Variants in GNG12 observed in about 807,000 individuals in gnomAD.
GNG12 encodes G protein subunit gamma 12.
For synonymous variants in GNG12, 28 were observed against 29.7 expected (o/e 0.94, Z 0.19); for missense variants, 69 against 83.8 (o/e 0.82, Z 0.69).
At chr1:67,801,842 G>A (rs1341803915) in intron 1 of GNG12, among the ~76,000 whole-genome samples, 1 of 151,518 alleles carries the variant, frequency 6.6e-6, no homozygotes, top group East Asian at 1.9e-4. Context: ...AGGTTTAAAT[G>A]AAAAAATGTA....
rs540593886 is a variant in GNG12, at chr1:67,816,729, T to C, written c.-77+16615A>G. Among the ~76,000 whole-genome samples, 6 of 152,252 alleles carry C rather than the reference T, an allele frequency of 3.9e-5. 1 individual carries two copies. The highest frequency in any genetic ancestry group is 7.2e-5 in the African/African-American group (3 of 41,556). On this transcript the variant is annotated intron_variant, in intron 1 of 3. Coordinates refer to ENST00000370982, the MANE Select transcript of GNG12 (RefSeq NM_018841.6). Reference sequence around the variant, plus strand: ...TACTCAGCCGTCCTCCCAGGACAGGTAGGGCCCGGTGACAAGACGTCCTGA... The same window carrying C: ...TACTCAGCCGTCCTCCCAGGACAGGCAGGGCCCGGTGACAAGACGTCCTGA...
chr1:67,728,880 T>C (rs1437544145), intron 2 of GNG12, among the ~76,000 whole-genome samples: 1 of 152,210 alleles, frequency 6.6e-6, no homozygotes, highest in Non-Finnish European at 1.5e-5. Flanking sequence ...GTTTTCTGGT[T>C]GAGTTACCAT....
chr1:67,805,837 A>T (rs1646891642), intron 1 of GNG12, among the ~76,000 whole-genome samples: 1 of 151,866 alleles, frequency 6.6e-6, no homozygotes, highest in Non-Finnish European at 1.5e-5. Context: ...TACTTAAAAA[A>T]AAAAACCTAG....
At chr1:67,783,452 T>G (rs1646749432) in intron 1 of GNG12, among the ~76,000 whole-genome samples, 1 of 152,194 alleles carries the variant, frequency 6.6e-6, no homozygotes, top group Non-Finnish European at 1.5e-5. Flanking sequence ...TCCTGAGATC[T>G]TCATATTTTA....
intron 1 of GNG12, among the ~76,000 whole-genome samples, chr1:67,780,221 T>C (rs1646729900): frequency 1.3e-5 from 2 of 152,192 alleles, no homozygotes; most frequent in South Asian, 4.1e-4. Context: ...GTTCTTTTCA[T>C]TATTCCATTT....
At chr1:67,741,780 TG>T (rs1646484016) in intron 2 of GNG12, among the ~76,000 whole-genome samples, 1 of 152,244 alleles carries the variant, frequency 6.6e-6, no homozygotes, top group South Asian at 2.1e-4. Context: ...CTGTTTTATT[TG>T]GCCTACAGAG....
At chr1:67,778,452 T>C (rs1028504942) in intron 1 of GNG12, among the ~76,000 whole-genome samples, 1 of 152,150 alleles carries the variant, frequency 6.6e-6, no homozygotes, top group Admixed American at 6.6e-5. Flanking sequence ...ATGAAGATCT[T>C]ATTCACCTAT....
chr1:67,784,580 T>C (rs1421802271), intron 1 of GNG12, among the ~76,000 whole-genome samples: 1 of 152,162 alleles, frequency 6.6e-6, no homozygotes, highest in Non-Finnish European at 1.5e-5. Context: ...TACATGTTTG[T>C]TTATTAATGG....
intron 2 of GNG12, among the ~76,000 whole-genome samples, chr1:67,753,473 G>C (rs2100728745): frequency 6.6e-6 from 1 of 152,174 alleles, no homozygotes; most frequent in East Asian, 1.9e-4. Flanking sequence ...CCCATGACAA[G>C]TCCTGCGACT....
intron 1 of GNG12, among the ~76,000 whole-genome samples, chr1:67,783,850 A>C (rs1053073341): frequency 3.3e-5 from 5 of 151,096 alleles, no homozygotes; most frequent in African/African-American, 1.2e-4. Context: ...AAACAGGAAC[A>C]CTTTTACACT....
intron 2 of GNG12, among the ~76,000 whole-genome samples, chr1:67,722,989 C>T (rs1294120748): frequency 6.6e-6 from 1 of 152,124 alleles, no homozygotes; most frequent in Non-Finnish European, 1.5e-5. Flanking sequence ...TCTCACAGGA[C>T]TGTAATGATT....
chr1:67,778,904 T>C (rs546088392), intron 1 of GNG12, among the ~76,000 whole-genome samples: 5 of 152,286 alleles, frequency 3.3e-5, no homozygotes, highest in South Asian at 2.1e-4. Flanking sequence ...GGAACAGTTA[T>C]TGGATGCACC....
chr1:67,747,070 C>G (rs1248901580), intron 2 of GNG12, among the ~76,000 whole-genome samples: 3 of 152,110 alleles, frequency 2.0e-5, no homozygotes, highest in Non-Finnish European at 2.9e-5. Flanking sequence ...TTTATGCACA[C>G]AAAACTGCAA....
At chr1:67,797,617 G>A (rs1304733343) in intron 1 of GNG12, among the ~76,000 whole-genome samples, 1 of 152,200 alleles carries the variant, frequency 6.6e-6, no homozygotes, top group African/African-American at 2.4e-5. Context: ...CCCTTGCTGT[G>A]ATAGTTCTGA....
At chr1:67,766,466 GAGGGAATGTGATTACGGCGGAGCATAAGC>G (rs1242170776) in intron 2 of GNG12, among the ~76,000 whole-genome samples, 1 of 152,152 alleles carries the variant, frequency 6.6e-6, no homozygotes, top group African/African-American at 2.4e-5. Flanking sequence ...CAGTAAGAGG[GAGGGAATGTGATTACGGCGGAGCATAAGC>G]AGGGCTTAAT....
intron 1 of GNG12, among the ~76,000 whole-genome samples, chr1:67,811,355 T>C (rs1173775958): frequency 6.6e-6 from 1 of 152,184 alleles, no homozygotes. Context: ...AAATGCTCTT[T>C]GGCCATTAGA....
chr1:67,748,023 T>C (rs999583709), intron 2 of GNG12, among the ~76,000 whole-genome samples: 1 of 152,238 alleles, frequency 6.6e-6, no homozygotes, highest in African/African-American at 2.4e-5. Flanking sequence ...AGAGGGTGGC[T>C]GAAATGTTTT....
chr1:67,706,298 C>G lies in GNG12; in HGVS notation c.94-722G>C, dbSNP rs192615708. On this transcript the variant is annotated intron_variant, in intron 3 of 3. Coordinates refer to ENST00000370982, the MANE Select transcript of GNG12 (RefSeq NM_018841.6). Reference sequence around the variant, plus strand: ...AAAAAACAGATTGGAATGCAGAACACACTTTAAGAACTGAACGATGGGCTC... The same window carrying G: ...AAAAAACAGATTGGAATGCAGAACAGACTTTAAGAACTGAACGATGGGCTC... Among the ~76,000 whole-genome samples the G allele has an allele frequency of 1.5e-3, 236 of 152,310 alleles. 1 individual carries two copies. Among genetic ancestry groups the G allele is most frequent in the African/African-American group, 5.5e-3 (227 of 41,562 alleles).
intron 1 of GNG12, among the ~76,000 whole-genome samples, chr1:67,821,450 T>A (rs1646984230): frequency 6.6e-6 from 1 of 152,196 alleles, no homozygotes; most frequent in African/African-American, 2.4e-5. Flanking sequence ...GAGTCGAGGA[T>A]GCCTCCCAGC....
Sources: allele counts gnomAD v4.1 joint callset (sites outside exome capture counted in the v4.1 genomes callset), GRCh38; gene constraint gnomAD v4.1.1; transcripts MANE v1.5; gene names NCBI Gene and HGNC (gene_info 2026-07-23, HGNC 2026-07-21).